Variants in CERT1 observed in about 807,000 individuals in gnomAD.
CERT1 encodes ceramide transporter 1, also known as ceramide transfer protein.
CERT1 carries 31 observed loss-of-function variants against 87.9 expected under a neutral mutation model. That is an observed-to-expected ratio of 0.35 (90% CI 0.27 to 0.48). The LOEUF is 0.48. Ranked by LOEUF, CERT1 falls within the 20% of genes least tolerant of loss-of-function variation. The pLI is 0.99. For missense variants in CERT1, 487 were observed against 758.0 expected, an observed-to-expected ratio of 0.64 and a Z score of 4.20; for synonymous variants, 289 against 250.9, an observed-to-expected ratio of 1.15 and a Z score of -1.44.
At chr5:75,409,305 CAATTT>C (rs2112119088) in intron 8 of CERT1, among the ~76,000 whole-genome samples, 1 of 151,546 alleles carries the variant, frequency 6.6e-6, no homozygotes, top group Non-Finnish European at 1.5e-5. Context: ...AAAAATATTA[CAATTT>C]AAGTCTCATC....
chr5:75,396,729 C>CAAAAAAAAA (rs375730002), intron 11 of CERT1, among the ~76,000 whole-genome samples: 1 of 92,636 alleles, frequency 1.1e-5, no homozygotes, highest in Non-Finnish European at 2.5e-5. Flanking sequence ...AACTCCGTCT[C>CAAAAAAAAA]AAAAAAAAAA....
At chr5:75,461,237 C>T (rs1228507314) in intron 2 of CERT1, among the ~76,000 whole-genome samples, 2 of 152,218 alleles carry the variant, frequency 1.3e-5, no homozygotes, top group African/African-American at 4.8e-5. Context: ...GCATTACCAC[C>T]TGAGCTCTGC....
chr5:75,416,404 G>A (rs1763137009), intron 7 of CERT1, among the ~76,000 whole-genome samples: 1 of 152,098 alleles, frequency 6.6e-6, no homozygotes, highest in South Asian at 2.1e-4. Context: ...AAACAAAGGT[G>A]GGAAAATGTG....
At chr5:75,461,558 C>T (rs1387846101) in intron 2 of CERT1, among the ~76,000 whole-genome samples, 1 of 152,114 alleles carries the variant, frequency 6.6e-6, no homozygotes, top group Non-Finnish European at 1.5e-5. Flanking sequence ...CATGATAATT[C>T]CCATTATATT....
chr5:75,491,752 T>C (rs1485637124), intron 2 of CERT1, among the ~76,000 whole-genome samples: 2 of 152,216 alleles, frequency 1.3e-5, no homozygotes, highest in African/African-American at 4.8e-5. Flanking sequence ...TGTTGTTTCA[T>C]GTCAAAATGA....
chr5:75,485,895 C>A (rs1278726140), intron 2 of CERT1, among the ~76,000 whole-genome samples: 1 of 152,022 alleles, frequency 6.6e-6, no homozygotes, highest in Non-Finnish European at 1.5e-5. Context: ...AGCCTGAGAC[C>A]CAGTGGCTTC....
intron 2 of CERT1, among the ~76,000 whole-genome samples, chr5:75,461,342 T>C (rs577226804): frequency 6.6e-6 from 1 of 152,214 alleles, no homozygotes; most frequent in Non-Finnish European, 1.5e-5. Flanking sequence ...TCGCTCCTTA[T>C]GAGAATCTAA....
chr5:75,422,610 C>T (rs1227084979), intron 5 of CERT1, among the ~76,000 whole-genome samples: 1 of 152,072 alleles, frequency 6.6e-6, no homozygotes, highest in Non-Finnish European at 1.5e-5. Context: ...GAGGGAGACC[C>T]AGTATCAAAT....
chr5:75,393,192 T>A (rs911821437), intron 11 of CERT1, among the ~76,000 whole-genome samples: 13 of 151,998 alleles, frequency 8.6e-5, no homozygotes, highest in African/African-American at 3.1e-4. Flanking sequence ...ACAGTGTTTC[T>A]AAGTTTTAAT....
chr5:75,502,346 C>A (rs974812908), intron 2 of CERT1, among the ~76,000 whole-genome samples: 1 of 152,086 alleles, frequency 6.6e-6, no homozygotes, highest in African/African-American at 2.4e-5. Context: ...TCATTCACTA[C>A]TGGTAGGAGT....
At chr5:75,472,098 G>C (rs1454494649) in intron 2 of CERT1, among the ~76,000 whole-genome samples, 1 of 152,118 alleles carries the variant, frequency 6.6e-6, no homozygotes, top group East Asian at 1.9e-4. Context: ...CATTGTAATA[G>C]AATAGAGTCC....
intron 7 of CERT1, among the ~76,000 whole-genome samples, chr5:75,413,205 C>T (rs1031215393): frequency 6.6e-6 from 1 of 152,152 alleles, no homozygotes; most frequent in South Asian, 2.1e-4. Context: ...AATTATTCAG[C>T]TCCATTATCA....
Position 75,470,805 on chromosome 5 carries a change from G to A in CERT1, c.232-11624C>T, listed in dbSNP as rs1765674127. The stretch of plus-strand genomic sequence containing the variant: ...GAAATAAATTAAATTGTCCCTGTCT[G>A]CAGATTACATGACCCTTATATATAG... On this transcript the variant is annotated intron_variant, in intron 2 of 16. Coordinates refer to ENST00000643780, the MANE Select transcript of CERT1 (RefSeq NM_001379029.1). Among the ~76,000 whole-genome samples the A allele has an allele frequency of 5.9e-5, 9 of 152,260 alleles. No homozygotes were observed. The South Asian group carries it at 1.9e-3, about 32-fold the overall frequency.
At chr5:75,371,493 T>C (rs894542176) in intron 17 of CERT1, 2 of 152,178 alleles carry the variant, frequency 1.3e-5, no homozygotes, top group Non-Finnish European at 2.9e-5. Context: ...ACTGAACAAA[T>C]AGAAAACCCA....
At chr5:75,507,056 C>T (rs192368259) in intron 1 of CERT1, among the ~76,000 whole-genome samples, 4 of 152,252 alleles carry the variant, frequency 2.6e-5, no homozygotes, top group Non-Finnish European at 4.4e-5. Flanking sequence ...GGCTCTATAT[C>T]CACTGAGAAA....
At chr5:75,495,579 G>A (rs1229659195) in intron 2 of CERT1, among the ~76,000 whole-genome samples, 1 of 151,398 alleles carries the variant, frequency 6.6e-6, no homozygotes, top group Non-Finnish European at 1.5e-5. Context: ...AAAAAAGACA[G>A]AGGCCAAGCC....
At chr5:75,430,223 C>T (rs1763810409) in intron 3 of CERT1, among the ~76,000 whole-genome samples, 1 of 152,156 alleles carries the variant, frequency 6.6e-6, no homozygotes, top group African/African-American at 2.4e-5. Flanking sequence ...ATAATGCTTG[C>T]TTATAAAACA....
chr5:75,383,592 C>T lies in CERT1; in HGVS notation c.1488+1050G>A. On this transcript the variant is annotated intron_variant, in intron 14 of 16. Transcript: ENST00000643780. ...ATTGTTATGCATTTCTGAGCAGCTA[C>T]CGTGTAAAATTAAGTATGGCTCCTA... Among the ~76,000 whole-genome samples the T allele has an allele frequency of 1.3e-5, 2 of 152,022 alleles. 1 individual carries two copies. Among genetic ancestry groups the T allele is most frequent in the East Asian group, 3.9e-4 (2 of 5,194 alleles).
chr5:75,448,597 T>C (rs907541861), intron 3 of CERT1, among the ~76,000 whole-genome samples: 1 of 152,208 alleles, frequency 6.6e-6, no homozygotes, highest in Non-Finnish European at 1.5e-5. Flanking sequence ...AATGTCCTAA[T>C]ACTCAGCAAG....
Sources: gnomAD v4.1 joint callset for allele counts (sites outside exome capture counted in the v4.1 genomes callset) on GRCh38, gnomAD v4.1.1 for gene constraint, MANE v1.5 for transcripts, NCBI Gene and HGNC (gene_info 2026-07-23, HGNC 2026-07-21) for gene names.